THOC5: variants seen among roughly 807,000 people sequenced by gnomAD.
THOC5 encodes the protein THO complex subunit 5.
Under a neutral mutation model 92.9 loss-of-function variants are expected in THOC5, and 43 were observed. That is an observed-to-expected ratio of 0.46 (90% CI 0.36 to 0.60). The LOEUF is 0.60. THOC5 is among the 20% of genes least tolerant of loss of function. The pLI is 0.00. For synonymous variants in THOC5, 296 were observed against 320.1 expected, an observed-to-expected ratio of 0.92 and a Z score of 0.80; for missense variants, 659 against 849.4, an observed-to-expected ratio of 0.78 and a Z score of 2.79.
intron 16 of THOC5, 26 bp from the exon 17 acceptor site, chr22:29,517,142 G>A: frequency 1.9e-6 from 3 of 1,613,396 alleles, no homozygotes; most frequent in Non-Finnish European, 1.7e-6. Flanking sequence ...CAGACAAGAG[G>A]TGAACTGCTG....
At chr22:29,553,640 C>T (rs2064230561) in intron 1 of THOC5, 31 bp downstream of exon 1, 1 of 152,494 alleles carries the variant, frequency 6.6e-6, no homozygotes, top group Admixed American at 6.5e-5. Context: ...CGCCCCATCT[C>T]CCAGCCCCAC....
rs117887633 is a variant in THOC5, at chr22:29,539,642, A to C, written c.453-166T>G. 7.6e-3 allele frequency among the ~76,000 whole-genome samples: 1,155 copies of C among 152,300 alleles called. 7 individuals are homozygous for C. The highest frequency in any genetic ancestry group is 0.014 in the Middle Eastern group (4 of 294). On this transcript the variant is annotated intron_variant, in intron 5 of 19. Transcript: ENST00000490103. ...CATTAGCAGATATTTCAGTGTGAAGAAAGGTAGTTGGTGACATGCCATAGG... is the reference window on the plus strand; with the variant it reads ...CATTAGCAGATATTTCAGTGTGAAGCAAGGTAGTTGGTGACATGCCATAGG...
intron 7 of THOC5, among the ~76,000 whole-genome samples, chr22:29,533,307 AC>A (rs1460002460): frequency 6.6e-6 from 1 of 152,242 alleles, no homozygotes; most frequent in African/African-American, 2.4e-5. Flanking sequence ...ACAGTGTGAT[AC>A]TGTGCAAGGA....
chr22:29,538,116 G>A (rs2063797945), intron 6 of THOC5, among the ~76,000 whole-genome samples: 1 of 151,932 alleles, frequency 6.6e-6, no homozygotes, highest in Non-Finnish European at 1.5e-5. Flanking sequence ...CTGAGTAGCT[G>A]GGACTACAGG....
At chr22:29,514,957 A>C (rs2063305461) in intron 17 of THOC5, among the ~76,000 whole-genome samples, 1 of 151,514 alleles carries the variant, frequency 6.6e-6, no homozygotes, top group South Asian at 2.1e-4. Context: ...CTCCCACCTC[A>C]GCCTCCCAAA....
At chr22:29,518,177 G>A (rs755761001) in intron 15 of THOC5, among the ~76,000 whole-genome samples, 4 of 152,156 alleles carry the variant, frequency 2.6e-5, no homozygotes, top group South Asian at 2.1e-4. Context: ...GGGAATACAA[G>A]TGCACACCAC....
chr22:29,523,718 C>T (rs2063489876), intron 12 of THOC5, among the ~76,000 whole-genome samples: 1 of 151,968 alleles, frequency 6.6e-6, no homozygotes, highest in African/African-American at 2.4e-5. Context: ...TGCTCATTGG[C>T]AATGTATGGG....
rs2063830873 is a variant in THOC5 at position 29,539,324 on chromosome 22, T to C, written c.599+6A>G. The C allele has an allele frequency of 6.2e-7, 1 of 1,612,938 alleles. No homozygotes were observed. Among genetic ancestry groups the C allele is most frequent in the South Asian group, 1.1e-5 (1 of 91,004 alleles). ...GGTTAAAAGGTCAGGAAGGAGGAAA[T>C]GCTACCTTTTCCGCTGCTCCAGCTC... is the stretch of plus-strand genomic sequence containing the variant. On this transcript the variant is annotated splice_donor_region_variant and intron_variant, in intron 6 of 19. Transcript: ENST00000490103.
rs988552749 is a variant in THOC5, at chr22:29,520,062, G to A, written c.1320C>T (p.Pro440=). 2 of 1,613,782 alleles carry A rather than the reference G, an allele frequency of 1.2e-6. No homozygotes were observed. Among genetic ancestry groups the A allele is most frequent in the Non-Finnish European group, 1.7e-6 (2 of 1,179,940 alleles). ...CACCCAGCTTCTGCACCCACAAATA[G>A]GGGTGACCTAGCTCAAGTACATAGT... ...LSDYVLELGH[P]YLWVQKLGGL... Residue 440 remains proline, a synonymous_variant, in exon 14 of 20, where the codon CCC becomes CCT. Coordinates refer to ENST00000490103, the MANE Select transcript of THOC5 (RefSeq NM_003678.5).
chr22:29,538,546 C>G (rs542078114), intron 6 of THOC5, among the ~76,000 whole-genome samples: 17 of 151,998 alleles, frequency 1.1e-4, no homozygotes, highest in African/African-American at 4.1e-4. Context: ...ACCTGTAATC[C>G]CAGCACTTTG....
chr22:29,519,573 C>T (rs2063399073), intron 14 of THOC5, among the ~76,000 whole-genome samples: 1 of 151,684 alleles, frequency 6.6e-6, no homozygotes, highest in Non-Finnish European at 1.5e-5. Flanking sequence ...GGATAGAAGA[C>T]AGGTCACAGC....
chr22:29,549,866 C>T (rs1167483407), intron 1 of THOC5, among the ~76,000 whole-genome samples: 1 of 152,040 alleles, frequency 6.6e-6, no homozygotes, highest in East Asian at 1.9e-4. Context: ...CCTTTTCCTC[C>T]CTATATCCTT....
At chr22:29,542,829 T>A (rs754139594) in intron 5 of THOC5, 30 bp downstream of exon 5, 3 of 1,502,946 alleles carry the variant, frequency 2.0e-6, no homozygotes, top group Non-Finnish European at 2.8e-6. Flanking sequence ...AAAGACCACA[T>A]GTGCCAAAGC....
rs2064233996 is a variant in THOC5, at chr22:29,553,712, CGGAG to C, written c.-57_-54del. ...CCTGGCACCGGGAGTAAGCCACTGC[CGGAG>C]GCGGAGCAAAGCTTGCCCGCGCACC... On this transcript the variant is annotated 5_prime_UTR_variant, in exon 1 of 20. An upstream open reading frame in the 5' UTR loses its in-frame stop. Coordinates refer to ENST00000490103, the MANE Select transcript of THOC5 (RefSeq NM_003678.5). 1 of 152,400 alleles carries C rather than the reference CGGAG, an allele frequency of 6.6e-6. No homozygotes were observed. The highest frequency in any genetic ancestry group is 1.5e-5 in the Non-Finnish European group (1 of 68,156). 9.4% of individuals were successfully genotyped at this position (152,400 alleles called of 1,614,324 possible). A position where few individuals can be genotyped will look rare whatever the true frequency, so the allele number is the denominator to read the frequency against.
At chr22:29,552,864 A>C (rs2064199581) in intron 1 of THOC5, among the ~76,000 whole-genome samples, 1 of 151,846 alleles carries the variant, frequency 6.6e-6, no homozygotes, top group Non-Finnish European at 1.5e-5. Context: ...AGAGAGGTGG[A>C]CAAGGGAGAC....
chr22:29,542,842 T>C lies in THOC5; in HGVS notation c.452+17A>G. ...CGAAAGACCACATGTGCCAAAGCCC[T>C]GTCCTCCCAAACTCACTTAAACTCC... On this transcript the variant is annotated intron_variant, in intron 5 of 19. Coordinates refer to ENST00000490103, the MANE Select transcript of THOC5 (RefSeq NM_003678.5). 1 of 1,583,604 alleles carries C rather than the reference T, an allele frequency of 6.3e-7. No homozygotes were observed. The highest frequency in any genetic ancestry group is 1.1e-5 in the South Asian group (1 of 90,062).
intron 8 of THOC5, 34 bp downstream of exon 8, chr22:29,531,797 T>G: frequency 6.2e-7 from 1 of 1,601,232 alleles, no homozygotes; most frequent in African/African-American, 1.3e-5. Flanking sequence ...GCTGCTCCCA[T>G]AGCCCCTTGT....
chr22:29,540,295 G>A (rs2063854667), intron 5 of THOC5, among the ~76,000 whole-genome samples: 1 of 152,200 alleles, frequency 6.6e-6, no homozygotes, highest in Non-Finnish European at 1.5e-5. Flanking sequence ...CCTCTTTGCT[G>A]TATTAACATA....
At chr22:29,518,295 A>G (rs977761935) in intron 15 of THOC5, among the ~76,000 whole-genome samples, 4 of 152,180 alleles carry the variant, frequency 2.6e-5, no homozygotes. Context: ...GGCCTCCCAA[A>G]GTGCTGTGAT....
Sources: allele counts gnomAD v4.1 joint callset (sites outside exome capture counted in the v4.1 genomes callset), GRCh38; gene constraint gnomAD v4.1.1; transcripts MANE v1.5; gene names NCBI Gene and HGNC (gene_info 2026-07-23, HGNC 2026-07-21).